Variants in DIAPH2 observed in about 807,000 individuals in gnomAD.
DIAPH2 encodes the protein diaphanous related formin 2, also known as protein diaphanous homolog 2.
DIAPH2 carries 35 observed loss-of-function variants against 92.7 expected under a neutral mutation model. The ratio of observed to expected loss-of-function variants is 0.38; its 90% confidence interval spans 0.29 to 0.50. The LOEUF is 0.50. DIAPH2 is among the 20% of genes least tolerant of loss of function. The pLI is 0.94. For synonymous variants in DIAPH2, 301 were observed against 280.4 expected, an observed-to-expected ratio of 1.07 and a Z score of -0.73; for missense variants, 701 against 819.5, an observed-to-expected ratio of 0.86 and a Z score of 1.77.
rs750685118 is a variant in DIAPH2 at position 97,471,908 on chromosome X, G to A, written c.3241+42163G>A. ...GAAGTTAAGTAGCTTGGGCAAGGTCGCAGCTGGTGAATGGCTGAATCAGAA... is the reference window on the plus strand; with the variant it reads ...GAAGTTAAGTAGCTTGGGCAAGGTCACAGCTGGTGAATGGCTGAATCAGAA... On this transcript the variant is annotated intron_variant, in intron 26 of 26. Transcript: ENST00000324765. Among the ~76,000 whole-genome samples the A allele has an allele frequency of 2.0e-4, 22 of 110,593 alleles. No homozygotes were observed. The South Asian group carries it at 3.9e-3, about 19-fold the overall frequency.
chrX:97,101,178 C>T (rs1345215778), intron 20 of DIAPH2, among the ~76,000 whole-genome samples: 2 of 110,579 alleles, frequency 1.8e-5, no homozygotes, highest in African/African-American at 3.3e-5. Flanking sequence ...GGGTATATAC[C>T]CTCTGAGAAT....
chrX:97,141,717 C>T lies in DIAPH2; in HGVS notation c.2642C>T (p.Ala881Val), dbSNP rs1156287690. Residue 881 changes from alanine (A) to valine (V), a missense_variant, in exon 22 of 27, where the codon GCC (alanine) becomes GTC (valine). By Grantham distance (64) the Ala-to-Val change is moderately conservative. Coordinates refer to ENST00000324765, the MANE Select transcript of DIAPH2 (RefSeq NM_006729.5). ...AAAACAACCCTTTTGCATTTTATTG[C>T]CGACATTTGTGAGGAAAAATATCGA... Reference protein sequence around the residue: ...DQKTTLLHFIADICEEKYRDI... With the variant: ...DQKTTLLHFIVDICEEKYRDI... 1.7e-6 allele frequency: 2 copies of T among 1,203,827 alleles called. No homozygotes were observed. Among genetic ancestry groups the T allele is most frequent in the Non-Finnish European group, 2.2e-6 (2 of 892,339 alleles).
At chrX:97,064,014 A>T (rs2066617663) in intron 17 of DIAPH2, among the ~76,000 whole-genome samples, 1 of 112,073 alleles carries the variant, frequency 8.9e-6, no homozygotes, top group Admixed American at 9.4e-5. Context: ...TGAAATATTC[A>T]CTATCTAGCC....
chrX:97,323,589 T>A (rs1224939241), intron 23 of DIAPH2, among the ~76,000 whole-genome samples: 1 of 44,836 alleles, frequency 2.2e-5, no homozygotes, highest in African/African-American at 1.0e-4. Flanking sequence ...AGACTCCGTC[T>A]CAAGAAAAAA....
intron 26 of DIAPH2, among the ~76,000 whole-genome samples, chrX:97,479,253 A>G (rs966341176): frequency 9.0e-6 from 1 of 111,284 alleles, no homozygotes; most frequent in Non-Finnish European, 1.9e-5. Context: ...TCATCAGAGA[A>G]TTACAACAAG....
intron 22 of DIAPH2, among the ~76,000 whole-genome samples, chrX:97,223,784 G>A (rs1412026910): frequency 9.0e-6 from 1 of 111,293 alleles, no homozygotes; most frequent in East Asian, 2.8e-4. Flanking sequence ...GTTGTTTTGG[G>A]GTCAACTATG....
chrX:96,948,914 C>T (rs770812433), intron 14 of DIAPH2, 21 bp from the exon 15 acceptor site: 38 of 1,068,207 alleles, frequency 3.6e-5, no homozygotes, highest in Non-Finnish European at 4.7e-5. Context: ...ATTAACTGTA[C>T]ATTGATGGTG....
intron 22 of DIAPH2, among the ~76,000 whole-genome samples, chrX:97,171,853 T>C (rs1472788776): frequency 1.9e-5 from 2 of 108,046 alleles, no homozygotes; most frequent in South Asian, 4.1e-4. Context: ...GGCAGGAGAA[T>C]GGCGTGAACC....
chrX:96,810,148 T>C (rs1462954623), intron 4 of DIAPH2, among the ~76,000 whole-genome samples: 2 of 112,198 alleles, frequency 1.8e-5, no homozygotes, highest in Admixed American at 9.4e-5. Flanking sequence ...TGTAAAAGTG[T>C]TCCTATTTCT....
At chrX:97,111,748 T>TC (rs1207704875) in intron 20 of DIAPH2, among the ~76,000 whole-genome samples, 1 of 111,789 alleles carries the variant, frequency 8.9e-6, no homozygotes, top group Non-Finnish European at 1.9e-5. Context: ...CTAATAAGAC[T>TC]CAAGAGGCAG....
Position 97,185,490 on chromosome X carries a change from T to TAC in DIAPH2, c.2719+43697_2719+43698insCA, listed in dbSNP as rs1170230645. Among the ~76,000 whole-genome samples, 30 of 43,980 alleles carry TAC rather than the reference T, an allele frequency of 6.8e-4. 1 individual carries two copies. The highest frequency in any genetic ancestry group is 3.7e-3 in the African/African-American group (29 of 7,926). 38.2% of individuals were successfully genotyped at this position (43,980 alleles called of 115,157 possible). ...ATATATACACATATATATATATATA[T>TAC]ATATATATATATATATATATATATA... On this transcript the variant is annotated intron_variant, in intron 22 of 26. Coordinates refer to ENST00000324765, the MANE Select transcript of DIAPH2 (RefSeq NM_006729.5).
chrX:97,102,997 G>T (rs1404975858), intron 20 of DIAPH2, among the ~76,000 whole-genome samples: 1 of 111,689 alleles, frequency 9.0e-6, no homozygotes, highest in Admixed American at 9.5e-5. Context: ...CTTGTCCAAG[G>T]TTACATAGTA....
intron 22 of DIAPH2, among the ~76,000 whole-genome samples, chrX:97,235,469 T>A (rs2068040365): frequency 9.1e-6 from 1 of 109,613 alleles, no homozygotes; most frequent in Admixed American, 9.8e-5. Context: ...CCAGGCGTGG[T>A]GGCACATGCC....
chrX:97,226,564 A>G (rs1024508310), intron 22 of DIAPH2, among the ~76,000 whole-genome samples: 1 of 110,600 alleles, frequency 9.0e-6, no homozygotes, highest in African/African-American at 3.3e-5. Context: ...TAGTAGAGAC[A>G]GGATTTCATC....
chrX:97,390,438 T>C (rs1022808790), intron 25 of DIAPH2, among the ~76,000 whole-genome samples: 5 of 110,613 alleles, frequency 4.5e-5, no homozygotes, highest in African/African-American at 1.6e-4. Context: ...CAGGCTGGTC[T>C]TGAACTCCTG....
intron 5 of DIAPH2, among the ~76,000 whole-genome samples, chrX:96,887,052 GT>G (rs1439992551): frequency 9.0e-6 from 1 of 110,758 alleles, no homozygotes; most frequent in African/African-American, 3.3e-5. Flanking sequence ...GTTCGTTGGG[GT>G]TTTTTTAGGC....
At position 97,465,273 on chromosome X, in the gene DIAPH2, CCACA is replaced by C. The variant is rs765899834; in HGVS notation, c.3241+35546_3241+35549del. Among the ~76,000 whole-genome samples, 642 of 106,860 alleles carry C rather than the reference CCACA, an allele frequency of 6.0e-3. 2 individuals carry two copies. Among genetic ancestry groups the C allele is most frequent in the African/African-American group, 0.02 (599 of 29,471 alleles). 92.8% of individuals were successfully genotyped at this position (106,860 alleles called of 115,157 possible). ...TATCCTGTCTTGCTTTAGAATTCACCCACACACACACACACACACACGTTTATGC... is the reference window on the plus strand; with the variant it reads ...TATCCTGTCTTGCTTTAGAATTCACCCACACACACACACACACGTTTATGC... On this transcript the variant is annotated intron_variant, in intron 26 of 26. Transcript: ENST00000324765.
At chrX:97,427,814 G>C (rs2070085998) in intron 25 of DIAPH2, among the ~76,000 whole-genome samples, 1 of 110,306 alleles carries the variant, frequency 9.1e-6, no homozygotes, top group South Asian at 3.9e-4. Flanking sequence ...AGCCTCCCGA[G>C]TAGCTGGGAC....
At chrX:97,108,343 T>C (rs1396342963) in intron 20 of DIAPH2, among the ~76,000 whole-genome samples, 1 of 112,003 alleles carries the variant, frequency 8.9e-6, no homozygotes, top group East Asian at 2.8e-4. Flanking sequence ...GCCAGTCAAC[T>C]AAAATGCTGC....
Sources: gnomAD v4.1 joint callset for allele counts (sites outside exome capture counted in the v4.1 genomes callset) on GRCh38, gnomAD v4.1.1 for gene constraint, MANE v1.5 for transcripts, NCBI Gene and HGNC (gene_info 2026-07-23, HGNC 2026-07-21) for gene names.